SLC28A1: variants seen among roughly 807,000 people sequenced by gnomAD.
SLC28A1 encodes the protein sodium/nucleoside cotransporter 1.
In SLC28A1, 64 loss-of-function variants were observed where a neutral mutation model predicts 74.8. That is an observed-to-expected ratio of 0.86 (90% CI 0.70 to 1.05). SLC28A1 has a LOEUF of 1.05. SLC28A1 is among the 50% of genes least tolerant of loss of function. SLC28A1 has a pLI of 0.00. For missense variants in SLC28A1, 828 were observed against 822.8 expected, an observed-to-expected ratio of 1.01 and a Z score of -0.08; for synonymous variants, 359 against 335.0, an observed-to-expected ratio of 1.07 and a Z score of -0.78.
intron 15 of SLC28A1, among the ~76,000 whole-genome samples, chr15:84,943,180 C>G (rs1044947427): frequency 6.6e-6 from 1 of 151,904 alleles, no homozygotes; most frequent in Admixed American, 6.6e-5. Flanking sequence ...GAGTAAAACT[C>G]CGTCTCAAAC....
chr15:84,945,419 C>T lies in SLC28A1; in HGVS notation c.*219C>T, dbSNP rs73440002. On this transcript the variant is annotated 3_prime_UTR_variant, in exon 19 of 19. Transcript: ENST00000394573. ...CACTCCATCCCCCTTCCTGCTCCCC[C>T]ATTTCCTAACTCCCCCAGTGTGAAT... is the stretch of plus-strand genomic sequence containing the variant. 4.1e-3 allele frequency: 2,405 copies of T among 581,246 alleles called. 19 individuals carry two copies. Among genetic ancestry groups the T allele is most frequent in the African/African-American group, 0.021 (1,113 of 53,736 alleles). 36.0% of individuals were successfully genotyped at this position (581,246 alleles called of 1,614,324 possible). A position where few individuals can be genotyped will look rare whatever the true frequency, so the allele number is the denominator to read the frequency against.
intron 6 of SLC28A1, chr15:84,895,754 TG>T: frequency 4.9e-6 from 6 of 1,217,378 alleles, no homozygotes; most frequent in East Asian, 4.3e-5. Context: ...GAAAATTCGC[TG>T]GGGGAAAAAA....
At chr15:84,955,833 C>G in the SLC28A1 span, among the ~76,000 whole-genome samples, 4 of 152,132 alleles carry the variant, frequency 2.6e-5, no homozygotes, top group African/African-American at 9.7e-5. Context: ...AATGCAGCCC[C>G]CTAGGTGCGG....
chr15:84,916,240 C>CAGGTGTGAGCTACCATGCCTGGCCTT (rs1555449976), intron 9 of SLC28A1, among the ~76,000 whole-genome samples: 1 of 98,424 alleles, frequency 1.0e-5, no homozygotes, highest in Non-Finnish European at 1.9e-5. Flanking sequence ...GCTGGGATTA[C>CAGGTGTGAGCTACCATGCCTGGCCTT]TTTTTTTTTT....
intron 8 of SLC28A1, among the ~76,000 whole-genome samples, chr15:84,907,705 A>G (rs4843003): frequency 0.28 from 42,719 of 152,042 alleles, 6,352 homozygotes; most frequent in South Asian, 0.46. Flanking sequence ...AAAAATATAA[A>G]TCATCAAGGA....
At position 84,895,841 on chromosome 15, in the gene SLC28A1, T is replaced by C. The variant is rs964846185; in HGVS notation, c.461+718T>C. 7.4e-6 allele frequency: 8 copies of C among 1,079,016 alleles called. No homozygotes were observed. The African/African-American group carries it at 8.3e-5, about 11-fold the overall frequency. The allele number at this position is 1,079,016 out of a possible 1,614,324, so 66.8% of individuals were successfully genotyped here. On this transcript the variant is annotated intron_variant, in intron 6 of 18. Transcript: ENST00000394573. Reference sequence around the variant, plus strand: ...TACTCTATTTTGTTGATGAAGAAGCTGGTGACCAAAGATACCCAAAGACTA... The same window carrying C: ...TACTCTATTTTGTTGATGAAGAAGCCGGTGACCAAAGATACCCAAAGACTA...
chr15:84,904,363 T>G, intron 7 of SLC28A1, 125 bp downstream of exon 7: 1 of 1,358,916 alleles, frequency 7.4e-7, no homozygotes, highest in Non-Finnish European at 1.0e-6. Context: ...GCTCAGGGCC[T>G]GGAGAAGGCC....
At chr15:84,901,939 G>A (rs533742394) in intron 6 of SLC28A1, among the ~76,000 whole-genome samples, 18 of 152,240 alleles carry the variant, frequency 1.2e-4, no homozygotes, top group South Asian at 6.2e-4. Flanking sequence ...TGCAATAGCC[G>A]AAAACTGGAA....
At chr15:84,899,891 C>A (rs1596237812) in intron 6 of SLC28A1, among the ~76,000 whole-genome samples, 1 of 137,306 alleles carries the variant, frequency 7.3e-6, no homozygotes, top group Non-Finnish European at 1.5e-5. Context: ...GATACTAAGG[C>A]AGAAAGAAAG....
chr15:84,893,145 C>G (rs1965550027), intron 5 of SLC28A1, among the ~76,000 whole-genome samples: 1 of 152,088 alleles, frequency 6.6e-6, no homozygotes, highest in Admixed American at 6.5e-5. Context: ...GGCCTCCTAG[C>G]CCCATGCCCT....
chr15:84,904,468 T>C (rs888613740), intron 7 of SLC28A1, among the ~76,000 whole-genome samples: 1 of 152,174 alleles, frequency 6.6e-6, no homozygotes, highest in Non-Finnish European at 1.5e-5. Context: ...GGACATTTGT[T>C]TCCTTGGTGA....
chr15:84,928,051 G>A (rs1002124127), intron 12 of SLC28A1, among the ~76,000 whole-genome samples: 2 of 152,166 alleles, frequency 1.3e-5, no homozygotes, highest in East Asian at 1.9e-4. Flanking sequence ...AAGAATGCTC[G>A]CCCATTTCCA....
At chr15:84,929,090 T>C (rs907088663) in intron 12 of SLC28A1, among the ~76,000 whole-genome samples, 2 of 152,218 alleles carry the variant, frequency 1.3e-5, no homozygotes, top group African/African-American at 4.8e-5. Flanking sequence ...CTAGTCGTAT[T>C]GAAAAACTTT....
At chr15:84,917,089 AG>A (rs1417405777) in intron 9 of SLC28A1, among the ~76,000 whole-genome samples, 1 of 152,090 alleles carries the variant, frequency 6.6e-6, no homozygotes, top group Non-Finnish European at 1.5e-5. Flanking sequence ...TAAAGAAAAA[AG>A]AAAACAACAT....
At chr15:84,963,918 T>G in the SLC28A1 span, among the ~76,000 whole-genome samples, 5 of 152,172 alleles carry the variant, frequency 3.3e-5, no homozygotes, top group Admixed American at 2.6e-4. Context: ...TTGAAGGAGT[T>G]GCACTCTCCT....
downstream of SLC28A1, among the ~76,000 whole-genome samples, chr15:84,950,533 C>T (rs1052541804): frequency 2.0e-5 from 3 of 151,946 alleles, no homozygotes; most frequent in Non-Finnish European, 4.4e-5. Flanking sequence ...CATAGTGAGA[C>T]CCTGTCTCCA....
chr15:84,906,990 G>A (rs936955574), intron 8 of SLC28A1, among the ~76,000 whole-genome samples: 2 of 152,318 alleles, frequency 1.3e-5, no homozygotes, highest in East Asian at 1.9e-4. Flanking sequence ...GAGTGGAGGA[G>A]GTTGGCTTTA....
intron 12 of SLC28A1, among the ~76,000 whole-genome samples, chr15:84,926,957 C>T (rs753006502): frequency 2.0e-5 from 3 of 152,154 alleles, no homozygotes; most frequent in Non-Finnish European, 2.9e-5. Flanking sequence ...TCCTTCACTC[C>T]GGATGCCTGG....
At chr15:84,910,119 G>A (rs924822620) in intron 9 of SLC28A1, among the ~76,000 whole-genome samples, 4 of 152,242 alleles carry the variant, frequency 2.6e-5, no homozygotes, top group East Asian at 3.9e-4. Context: ...GTCTAACATC[G>A]TCAGCCCTAG....
Sources: gnomAD v4.1 joint callset for allele counts (sites outside exome capture counted in the v4.1 genomes callset) on GRCh38, gnomAD v4.1.1 for gene constraint, MANE v1.5 for transcripts, NCBI Gene and HGNC (gene_info 2026-07-23, HGNC 2026-07-21) for gene names.